AGBL3: variants seen among roughly 807,000 people sequenced by gnomAD.
AGBL3 encodes the protein AGBL carboxypeptidase 3.
A neutral mutation model predicts 94.5 loss-of-function variants in AGBL3; 68 were observed. The observed-to-expected ratio is 0.72, with a 90% confidence interval of 0.59 to 0.88. The LOEUF is 0.88. AGBL3 is among the 40% of genes least tolerant of loss of function. The probability of loss-of-function intolerance (pLI) is 0.00; values close to 1 mark genes in which losing one functional copy is unlikely to be tolerated. For synonymous variants in AGBL3, 354 were observed against 370.7 expected (o/e 0.95, Z 0.52); for missense variants, 934 against 1,103.8 (o/e 0.85, Z 2.18).
At chr7:135,091,838 C>T (rs1291393011) in intron 15 of AGBL3, among the ~76,000 whole-genome samples, 1 of 152,114 alleles carries the variant, frequency 6.6e-6, no homozygotes, top group African/African-American at 2.4e-5. Flanking sequence ...GGCATAAGCA[C>T]CAAGGTTTAA....
chr7:135,097,804 G>A (rs1010789242), intron 15 of AGBL3, among the ~76,000 whole-genome samples: 5 of 151,906 alleles, frequency 3.3e-5, no homozygotes, highest in African/African-American at 1.2e-4. Context: ...AGACGTGTAT[G>A]GTAAAAAATG....
At chr7:134,986,926 C>T (rs1470110855) in intron 1 of AGBL3, among the ~76,000 whole-genome samples, 1 of 152,276 alleles carries the variant, frequency 6.6e-6, no homozygotes, top group Non-Finnish European at 1.5e-5. Flanking sequence ...TGGAAGACAC[C>T]CGCGGAGCGC....
intron 8 of AGBL3, 55 bp downstream of exon 8, chr7:135,037,635 A>G: frequency 1.4e-6 from 2 of 1,405,042 alleles, no homozygotes; most frequent in Non-Finnish European, 1.9e-6. Flanking sequence ...CCCATGTGAG[A>G]TAGCAGAATG....
At chr7:135,036,771 A>C (rs1816352203) in intron 7 of AGBL3, among the ~76,000 whole-genome samples, 1 of 152,228 alleles carries the variant, frequency 6.6e-6, no homozygotes, top group African/African-American at 2.4e-5. Context: ...AAGATAGAGA[A>C]AGAAGATATT....
At chr7:135,071,549 G>A (rs1033355332) in intron 12 of AGBL3, among the ~76,000 whole-genome samples, 10 of 152,070 alleles carry the variant, frequency 6.6e-5, no homozygotes, top group African/African-American at 2.2e-4. Flanking sequence ...GCATGGTACT[G>A]GTACCAAAAC....
intron 12 of AGBL3, among the ~76,000 whole-genome samples, chr7:135,070,597 G>A (rs1819805191): frequency 6.6e-6 from 1 of 152,090 alleles, no homozygotes; most frequent in Admixed American, 6.6e-5. Context: ...ACGTAATCCA[G>A]CATATAAACA....
Position 135,037,478 on chromosome 7 carries a change from G to T in AGBL3, c.1398G>T (p.Glu466Asp), listed in dbSNP as rs1451003053. The change falls in exon 8 of 17, where the codon GAG (glutamate) becomes GAT (aspartate). Residue 466 changes from glutamate (E) to aspartate (D), a missense_variant. Glu to Asp is a conservative substitution (Grantham distance 45, BLOSUM62 2). Coordinates refer to ENST00000436302, the MANE Select transcript of AGBL3 (RefSeq NM_178563.4). The part of the protein sequence containing the change: ...YCDLHGHSRK[E>D]NIFMYGCDGS... ...ATCTTCATGGCCATAGTAGGAAAGA[G>T]AACATCTTCATGTATGGCTGTGATG... 1 of 1,550,298 alleles carries T rather than the reference G, an allele frequency of 6.5e-7. No homozygotes were observed. Among genetic ancestry groups the T allele is most frequent in the Non-Finnish European group, 8.7e-7 (1 of 1,146,208 alleles).
intron 12 of AGBL3, among the ~76,000 whole-genome samples, chr7:135,072,206 G>A (rs1337381709): frequency 1.6e-4 from 25 of 152,128 alleles, no homozygotes; most frequent in East Asian, 1.2e-3. Flanking sequence ...AATCAAAACC[G>A]CAATGAGATA....
intron 4 of AGBL3, among the ~76,000 whole-genome samples, chr7:135,008,475 C>A (rs141561709): frequency 6.6e-6 from 1 of 152,154 alleles, no homozygotes; most frequent in Non-Finnish European, 1.5e-5. Flanking sequence ...ACACCATATA[C>A]AAAAATTGAT....
intron 4 of AGBL3, among the ~76,000 whole-genome samples, chr7:135,013,188 A>G (rs1265521954): frequency 6.6e-6 from 1 of 152,194 alleles, no homozygotes; most frequent in Non-Finnish European, 1.5e-5. Flanking sequence ...ATGGGAAATG[A>G]AAATCTGAAC....
At chr7:135,013,476 T>C (rs1813398180) in intron 4 of AGBL3, among the ~76,000 whole-genome samples, 1 of 152,210 alleles carries the variant, frequency 6.6e-6, no homozygotes, top group Non-Finnish European at 1.5e-5. Context: ...GAGAACAGTA[T>C]ACAGATGTTA....
intron 15 of AGBL3, chr7:135,094,067 G>A (rs765173589): frequency 2.0e-5 from 4 of 199,190 alleles, no homozygotes; most frequent in South Asian, 7.8e-5. Context: ...GAAGTTGGCC[G>A]TGTTCCTTAT....
At chr7:135,086,094 T>C (rs1821317686) in intron 15 of AGBL3, among the ~76,000 whole-genome samples, 1 of 152,060 alleles carries the variant, frequency 6.6e-6, no homozygotes, top group African/African-American at 2.4e-5. Context: ...TTTGTAGCTA[T>C]TGTAAATGGG....
chr7:135,096,572 G>GATAGATAC, intron 15 of AGBL3, among the ~76,000 whole-genome samples: 1 of 20,612 alleles, frequency 4.9e-5, no homozygotes, highest in South Asian at 3.6e-3. Flanking sequence ...TAGATAGATA[G>GATAGATAC]ATAGATAGAT....
intron 4 of AGBL3, among the ~76,000 whole-genome samples, chr7:135,002,436 C>T (rs4476949): frequency 0.24 from 35,938 of 151,962 alleles, 5,322 homozygotes; most frequent in South Asian, 0.42. Flanking sequence ...CTATTAGGGA[C>T]CAGTTATGTC....
At chr7:135,034,976 A>G in intron 7 of AGBL3, 48 bp downstream of exon 7, 2 of 1,425,418 alleles carry the variant, frequency 1.4e-6, no homozygotes, top group Non-Finnish European at 1.8e-6. Context: ...TAAACTTGGT[A>G]GTAACAATTT....
chr7:135,014,664 T>C (rs1436544064), intron 4 of AGBL3, among the ~76,000 whole-genome samples: 5 of 152,154 alleles, frequency 3.3e-5, no homozygotes, highest in Admixed American at 6.5e-5. Context: ...ATGAAACATA[T>C]GGTGAAGGGC....
At chr7:135,127,172 GA>G (rs1479052384) in intron 16 of AGBL3, among the ~76,000 whole-genome samples, 1 of 151,634 alleles carries the variant, frequency 6.6e-6, no homozygotes, top group Non-Finnish European at 1.5e-5. Flanking sequence ...ATATTTACAA[GA>G]AAAAAACAGA....
intron 11 of AGBL3, among the ~76,000 whole-genome samples, chr7:135,047,579 G>C (rs1394780175): frequency 6.6e-6 from 1 of 151,978 alleles, no homozygotes; most frequent in Non-Finnish European, 1.5e-5. Context: ...TGACAGGCAT[G>C]AGGTGATATC....
Sources: allele counts gnomAD v4.1 joint callset (sites outside exome capture counted in the v4.1 genomes callset), GRCh38; gene constraint gnomAD v4.1.1; transcripts MANE v1.5; gene names NCBI Gene and HGNC (gene_info 2026-07-23, HGNC 2026-07-21).